XKR6: variants seen among roughly 807,000 people sequenced by gnomAD.
XKR6 encodes the protein XK related 6, also known as XK-related protein 6.
A neutral mutation model predicts 56.7 loss-of-function variants in XKR6; 22 were observed. The ratio of observed to expected loss-of-function variants is 0.39; its 90% CI spans 0.28 to 0.55. The LOEUF is 0.55. XKR6 is among the 20% of genes least tolerant of loss of function. XKR6 has a pLI of 0.66. For missense variants in XKR6, 852 were observed against 889.0 expected, an observed-to-expected ratio of 0.96 and a Z score of 0.53; for synonymous variants, 524 against 387.8, an observed-to-expected ratio of 1.35 and a Z score of -4.13.
chr8:11,116,711 G>A (rs376520530), intron 1 of XKR6, among the ~76,000 whole-genome samples: 1 of 152,152 alleles, frequency 6.6e-6, no homozygotes, highest in Non-Finnish European at 1.5e-5. Context: ...AAGCAGCTGA[G>A]AGGTTTCATT....
At chr8:11,019,585 G>A (rs1030873193) in intron 1 of XKR6, among the ~76,000 whole-genome samples, 1 of 152,196 alleles carries the variant, frequency 6.6e-6, no homozygotes, top group African/African-American at 2.4e-5. Context: ...CATTCCAGCT[G>A]TACCCAGGCC....
intron 1 of XKR6, among the ~76,000 whole-genome samples, chr8:11,084,722 G>A (rs985646780): frequency 6.6e-6 from 1 of 152,162 alleles, no homozygotes; most frequent in Non-Finnish European, 1.5e-5. Flanking sequence ...CTAGAAAGAA[G>A]CACTTGCCAG....
chr8:10,957,097 C>T (rs555397912), intron 1 of XKR6, among the ~76,000 whole-genome samples: 2 of 152,110 alleles, frequency 1.3e-5, no homozygotes, highest in Admixed American at 1.3e-4. Flanking sequence ...ATTACAGGCA[C>T]GTGCCACCAT....
At chr8:10,911,147 C>A in intron 2 of XKR6, among the ~76,000 whole-genome samples, 1 of 149,380 alleles carries the variant, frequency 6.7e-6, no homozygotes, top group Non-Finnish European at 1.5e-5. Flanking sequence ...GTTTGTGAGC[C>A]GTGGGTAAAA....
intron 1 of XKR6, among the ~76,000 whole-genome samples, chr8:11,001,681 C>T (rs73662669): frequency 0.047 from 7,124 of 152,234 alleles, 430 homozygotes; most frequent in African/African-American, 0.14. Flanking sequence ...AAAGCTCAGG[C>T]AGAGTTAGAA....
chr8:10,976,969 C>T (rs1342668706), intron 1 of XKR6, among the ~76,000 whole-genome samples: 3 of 152,092 alleles, frequency 2.0e-5, no homozygotes, highest in African/African-American at 4.8e-5. Flanking sequence ...GGATGCAGGT[C>T]GTCTTCCCCA....
At chr8:11,190,237 A>G (rs1803499484) in intron 1 of XKR6, among the ~76,000 whole-genome samples, 1 of 151,540 alleles carries the variant, frequency 6.6e-6, no homozygotes, top group South Asian at 2.1e-4. Context: ...AAAAGAAAAA[A>G]GAAAAAAGAA....
intron 1 of XKR6, among the ~76,000 whole-genome samples, chr8:11,102,603 T>C (rs1300943580): frequency 3.9e-5 from 6 of 152,038 alleles, no homozygotes; most frequent in African/African-American, 1.4e-4. Context: ...CTATGGAAAA[T>C]TCTGCCCACT....
At chr8:11,095,701 T>C (rs1168351403) in intron 1 of XKR6, among the ~76,000 whole-genome samples, 1 of 152,224 alleles carries the variant, frequency 6.6e-6, no homozygotes, top group Non-Finnish European at 1.5e-5. Flanking sequence ...CTTTGTAAGT[T>C]TGTGGGCTTA....
chr8:11,134,264 T>C (rs1321480274), intron 1 of XKR6, among the ~76,000 whole-genome samples: 1 of 152,184 alleles, frequency 6.6e-6, no homozygotes, highest in African/African-American at 2.4e-5. Context: ...GTTGTCCATC[T>C]GGATTACCTC....
chr8:11,110,266 C>G (rs1484787678), intron 1 of XKR6, among the ~76,000 whole-genome samples: 1 of 152,180 alleles, frequency 6.6e-6, no homozygotes, highest in Non-Finnish European at 1.5e-5. Flanking sequence ...AGCCACTGCG[C>G]CTGGCCTTAA....
At chr8:11,033,331 GTGATGGTGGTGGTGA>G (rs1799044089) in intron 1 of XKR6, among the ~76,000 whole-genome samples, 1 of 146,644 alleles carries the variant, frequency 6.8e-6, no homozygotes, top group African/African-American at 2.7e-5. Flanking sequence ...GATAGTGATG[GTGATGGTGGTGGTGA>G]TGATGATGAT....
intron 1 of XKR6, among the ~76,000 whole-genome samples, chr8:10,930,370 A>G (rs754676686): frequency 3.9e-5 from 6 of 152,224 alleles, no homozygotes; most frequent in African/African-American, 7.2e-5. Context: ...ATTCTACCAA[A>G]CAGAGTAGAA....
intron 2 of XKR6, among the ~76,000 whole-genome samples, chr8:10,923,683 C>T (rs75462381): frequency 0.02 from 3,003 of 152,298 alleles, 101 homozygotes; most frequent in African/African-American, 0.069. Context: ...TGAGGAGGTC[C>T]GTGTGGGTGT....
At chr8:10,970,195 C>A (rs140251683) in intron 1 of XKR6, among the ~76,000 whole-genome samples, 1 of 152,138 alleles carries the variant, frequency 6.6e-6, no homozygotes, top group East Asian at 1.9e-4. Context: ...TCTCTGGAGG[C>A]GAGGGAAGAC....
chr8:11,170,340 A>G (rs925436428), intron 1 of XKR6, among the ~76,000 whole-genome samples: 2 of 152,256 alleles, frequency 1.3e-5, no homozygotes, highest in African/African-American at 4.8e-5. Context: ...AAAATGTGGT[A>G]GATCCATCCA....
intron 1 of XKR6, among the ~76,000 whole-genome samples, chr8:11,078,497 C>T (rs1800332040): frequency 6.6e-6 from 1 of 152,182 alleles, no homozygotes; most frequent in Non-Finnish European, 1.5e-5. Context: ...AAGGCTTCTT[C>T]CCATCTGCCA....
At chr8:11,071,675 C>A (rs1800127590) in intron 1 of XKR6, among the ~76,000 whole-genome samples, 1 of 151,078 alleles carries the variant, frequency 6.6e-6, no homozygotes, top group South Asian at 2.1e-4. Flanking sequence ...AGCCCCGAGG[C>A]CATGAGCCCG....
intron 1 of XKR6, among the ~76,000 whole-genome samples, chr8:10,968,129 C>T (rs1045882623): frequency 6.6e-6 from 1 of 152,164 alleles, no homozygotes; most frequent in Non-Finnish European, 1.5e-5. Context: ...GATCCTGGAG[C>T]TCAGGCAGGT....
Sources: allele counts gnomAD v4.1 joint callset (sites outside exome capture counted in the v4.1 genomes callset), GRCh38; gene constraint gnomAD v4.1.1; transcripts MANE v1.5; gene names NCBI Gene and HGNC (gene_info 2026-07-23, HGNC 2026-07-21).